HCN1: variants seen among roughly 807,000 people sequenced by gnomAD.
HCN1 encodes potassium/sodium hyperpolarization-activated cyclic nucleotide-gated channel 1.
A neutral mutation model predicts 78.9 loss-of-function variants in HCN1; 13 were observed. The ratio of observed to expected loss-of-function variants is 0.16; its 90% CI spans 0.11 to 0.26. The LOEUF is 0.26. Among genes scored for constraint, HCN1 ranks in the 10% least tolerant of loss-of-function variants. The pLI, the probability that HCN1 is intolerant of heterozygous loss-of-function variation, is 1.00. For synonymous variants in HCN1, 552 were observed against 455.5 expected (o/e 1.21, Z -2.70); for missense variants, 810 against 1,154.3 (o/e 0.70, Z 4.32).
intron 2 of HCN1, among the ~76,000 whole-genome samples, chr5:45,535,637 G>T (rs1369383523): frequency 6.6e-6 from 1 of 151,696 alleles, no homozygotes; most frequent in African/African-American, 2.4e-5. Context: ...AAGAAGACAG[G>T]AATATAATAA....
intron 6 of HCN1, among the ~76,000 whole-genome samples, chr5:45,285,047 C>T (rs533948862): frequency 2.0e-5 from 3 of 152,002 alleles, no homozygotes; most frequent in Non-Finnish European, 4.4e-5. Context: ...TCATGCTTCA[C>T]TTTGGAATGA....
At chr5:45,631,139 G>C (rs1276702470) in intron 2 of HCN1, among the ~76,000 whole-genome samples, 1 of 152,074 alleles carries the variant, frequency 6.6e-6, no homozygotes, top group Admixed American at 6.6e-5. Context: ...TTAGTCACAG[G>C]CCTACTTGGT....
chr5:45,611,928 A>C lies in HCN1; in HGVS notation c.849+33257T>G, dbSNP rs538659662. Among the ~76,000 whole-genome samples, 7 of 152,278 alleles carry C rather than the reference A, an allele frequency of 4.6e-5. No homozygotes were observed. In the East Asian group the frequency reaches 1.4e-3, roughly 29 times the overall value. ...TACACCTCTTTGGGAAGCTGAAAAAAAAATATAGATCTGAAGTGCATCTTA... is the reference window on the plus strand; with the variant it reads ...TACACCTCTTTGGGAAGCTGAAAAACAAATATAGATCTGAAGTGCATCTTA... On this transcript the variant is annotated intron_variant, in intron 2 of 7. Coordinates refer to ENST00000303230, the MANE Select transcript of HCN1 (RefSeq NM_021072.4).
At chr5:45,580,673 T>C (rs1055854191) in intron 2 of HCN1, among the ~76,000 whole-genome samples, 2 of 152,116 alleles carry the variant, frequency 1.3e-5, no homozygotes, top group Non-Finnish European at 2.9e-5. Flanking sequence ...TATCTCATAA[T>C]GCTATTTCTC....
At chr5:45,332,096 T>G in intron 5 of HCN1, among the ~76,000 whole-genome samples, 1 of 151,130 alleles carries the variant, frequency 6.6e-6, no homozygotes, top group East Asian at 1.9e-4. Flanking sequence ...CAGTATTGTC[T>G]TTTTAAAATT....
intron 2 of HCN1, among the ~76,000 whole-genome samples, chr5:45,598,597 C>T (rs191350785): frequency 3.9e-4 from 59 of 152,230 alleles, no homozygotes; most frequent in Admixed American, 1.4e-3. Flanking sequence ...AGCTTCTGCA[C>T]GGCAAAAGAG....
intron 6 of HCN1, among the ~76,000 whole-genome samples, chr5:45,276,409 T>C (rs778050261): frequency 3.9e-5 from 6 of 152,258 alleles, no homozygotes; most frequent in Middle Eastern, 3.4e-3. Context: ...TGGAGTGGGA[T>C]GAAAGAATCT....
chr5:45,643,328 A>G (rs1222130162), intron 2 of HCN1: 1 of 152,026 alleles, frequency 6.6e-6, no homozygotes, highest in Non-Finnish European at 1.5e-5. Flanking sequence ...AAATAGTCAC[A>G]TTGCTACTGT....
At chr5:45,542,986 G>A (rs1248731846) in intron 2 of HCN1, among the ~76,000 whole-genome samples, 1 of 152,058 alleles carries the variant, frequency 6.6e-6, no homozygotes, top group East Asian at 1.9e-4. Flanking sequence ...TCTAAAGTAT[G>A]ACAACATTTT....
At chr5:45,392,870 G>A (rs1239439196) in intron 4 of HCN1, among the ~76,000 whole-genome samples, 6 of 151,772 alleles carry the variant, frequency 4.0e-5, no homozygotes, top group Non-Finnish European at 5.9e-5. Context: ...GAAGTTTAGC[G>A]TTTTTATTTC....
intron 2 of HCN1, among the ~76,000 whole-genome samples, chr5:45,560,238 T>A (rs1018244435): frequency 6.6e-6 from 1 of 152,164 alleles, no homozygotes; most frequent in African/African-American, 2.4e-5. Flanking sequence ...GGTATACGTA[T>A]ATAATGTTTG....
intron 3 of HCN1, among the ~76,000 whole-genome samples, chr5:45,450,425 G>A (rs1740893254): frequency 6.6e-6 from 1 of 152,112 alleles, no homozygotes; most frequent in Admixed American, 6.6e-5. Context: ...TTCTGATTGA[G>A]TTTTATAGAT....
At chr5:45,396,852 C>T (rs1739697628) in intron 3 of HCN1, 142 bp from the exon 4 acceptor site, 1 of 714,288 alleles carries the variant, frequency 1.4e-6, no homozygotes, top group South Asian at 1.5e-5. Context: ...ATGTACTTCT[C>T]ACTAACTGTG....
intron 2 of HCN1, among the ~76,000 whole-genome samples, chr5:45,472,556 G>GA (rs1239771738): frequency 7.2e-6 from 1 of 138,508 alleles, no homozygotes. Context: ...GGGATGGAGG[G>GA]AGGGAGGAAA....
chr5:45,481,704 T>C (rs1419929318), intron 2 of HCN1, among the ~76,000 whole-genome samples: 1 of 152,196 alleles, frequency 6.6e-6, no homozygotes, highest in Non-Finnish European at 1.5e-5. Context: ...ACAGACTGGC[T>C]TTCCTCTCTC....
intron 2 of HCN1, among the ~76,000 whole-genome samples, chr5:45,614,196 A>G (rs1173145367): frequency 6.6e-6 from 1 of 152,040 alleles, no homozygotes; most frequent in Non-Finnish European, 1.5e-5. Flanking sequence ...TCCTCCCTCA[A>G]TATCTTATCT....
At chr5:45,500,829 G>A (rs1466428991) in intron 2 of HCN1, among the ~76,000 whole-genome samples, 1 of 152,032 alleles carries the variant, frequency 6.6e-6, no homozygotes, top group Non-Finnish European at 1.5e-5. Context: ...TAATTTTCTG[G>A]AGGCTAACTC....
chr5:45,658,650 A>T (rs980025235), intron 1 of HCN1, among the ~76,000 whole-genome samples: 1 of 151,656 alleles, frequency 6.6e-6, no homozygotes, highest in African/African-American at 2.4e-5. Context: ...GGGAAGCGCA[A>T]GGGGTCAGGG....
intron 5 of HCN1, among the ~76,000 whole-genome samples, chr5:45,330,076 A>G (rs946478303): frequency 6.6e-6 from 1 of 151,388 alleles, no homozygotes. Context: ...TGCCCCTTAC[A>G]CAATTTTCTC....
Sources: gnomAD v4.1 joint callset for allele counts (sites outside exome capture counted in the v4.1 genomes callset) on GRCh38, gnomAD v4.1.1 for gene constraint, MANE v1.5 for transcripts, NCBI Gene and HGNC (gene_info 2026-07-23, HGNC 2026-07-21) for gene names.